The following LRPPRC variants were observed in gnomAD, a reference collection of about 807,000 sequenced individuals.
The protein encoded by LRPPRC is leucine rich pentatricopeptide repeat containing, also known as leucine-rich PPR motif-containing protein, mitochondrial.
Under a neutral mutation model 180.3 loss-of-function variants are expected in LRPPRC, and 120 were observed. The observed-to-expected ratio is 0.67, with a 90% CI of 0.57 to 0.77. The LOEUF (loss-of-function observed/expected upper bound fraction) is 0.77. Ranked by LOEUF, LRPPRC falls within the 30% of genes least tolerant of loss-of-function variation. The pLI, the probability that LRPPRC is intolerant of heterozygous loss-of-function variation, is 0.00. For missense variants in LRPPRC, 2,012 were observed against 1,657.2 expected, an observed-to-expected ratio of 1.21 and a Z score of -3.72; for synonymous variants, 723 against 600.0, an observed-to-expected ratio of 1.21 and a Z score of -3.00.
At chr2:43,913,298 A>C (rs1025166745) in intron 29 of LRPPRC, among the ~76,000 whole-genome samples, 1 of 152,192 alleles carries the variant, frequency 6.6e-6, no homozygotes, top group African/African-American at 2.4e-5. Context: ...GCCTGGCTAT[A>C]AACAGCCAAC....
chr2:43,968,992 T>C (rs185598936), intron 11 of LRPPRC, among the ~76,000 whole-genome samples: 6 of 152,348 alleles, frequency 3.9e-5, no homozygotes, highest in East Asian at 1.9e-4. Context: ...ATAAAATCAT[T>C]ATATTGTACA....
At chr2:43,949,087 G>T (rs1402193277) in intron 16 of LRPPRC, among the ~76,000 whole-genome samples, 1 of 152,066 alleles carries the variant, frequency 6.6e-6, no homozygotes, top group Non-Finnish European at 1.5e-5. Flanking sequence ...AATGTATAGG[G>T]CCATGTTACA....
chr2:43,977,465 T>C (rs1474059665), intron 3 of LRPPRC, among the ~76,000 whole-genome samples, 189 bp from the exon 4 acceptor site: 1 of 152,152 alleles, frequency 6.6e-6, no homozygotes, highest in Non-Finnish European at 1.5e-5. Context: ...AAGACAGTAA[T>C]TACTGAGTTA....
chr2:43,890,327 A>C (rs1294987291), intron 36 of LRPPRC: 2 of 469,782 alleles, frequency 4.3e-6, no homozygotes, highest in Admixed American at 4.8e-5. Flanking sequence ...CAACATCAAG[A>C]TCATCAGCTC....
At chr2:43,979,598 TC>T (rs1299286289) in intron 3 of LRPPRC, among the ~76,000 whole-genome samples, 1 of 152,232 alleles carries the variant, frequency 6.6e-6, no homozygotes. Flanking sequence ...TTCTTCTTTT[TC>T]TTTTTTAACT....
intron 13 of LRPPRC, among the ~76,000 whole-genome samples, chr2:43,959,806 C>G (rs1673264566): frequency 6.6e-6 from 1 of 152,168 alleles, no homozygotes. Context: ...ATCGCTTCAA[C>G]TCAGGAGGCA....
At chr2:43,940,775 C>A (rs1672450166) in intron 23 of LRPPRC, among the ~76,000 whole-genome samples, 1 of 152,104 alleles carries the variant, frequency 6.6e-6, no homozygotes, top group African/African-American at 2.4e-5. Flanking sequence ...TTTCCTTGAC[C>A]ATAACATGAA....
intron 37 of LRPPRC, among the ~76,000 whole-genome samples, chr2:43,889,314 C>CAAAAAAAAAA (rs780032604): frequency 1.0e-4 from 4 of 38,338 alleles, no homozygotes; most frequent in African/African-American, 1.4e-4. Flanking sequence ...GACTCCATCT[C>CAAAAAAAAAA]AAAAAAAAAA....
chr2:43,962,353 T>C (rs566056819), intron 12 of LRPPRC, among the ~76,000 whole-genome samples: 2 of 152,204 alleles, frequency 1.3e-5, no homozygotes, highest in African/African-American at 4.8e-5. Context: ...ACACTGAAGA[T>C]ATAAACCCTA....
rs62138282 is a variant in LRPPRC, at chr2:43,926,191, G to C, written c.2737-230C>G. ...CAAAGACCTTTAAGTAAGAGTAGAA[G>C]AGAGCATAAAACACAAACTATGCTT... On this transcript the variant is annotated intron_variant, in intron 25 of 37. Transcript: ENST00000260665. Among the ~76,000 whole-genome samples the C allele has an allele frequency of 0.092, 14,002 of 152,090 alleles. 738 individuals carry two copies. Among genetic ancestry groups the C allele is most frequent in the South Asian group, 0.13 (626 of 4,820 alleles).
chr2:43,979,232 A>G (rs1482692999), intron 3 of LRPPRC, among the ~76,000 whole-genome samples: 1 of 152,156 alleles, frequency 6.6e-6, no homozygotes, highest in Non-Finnish European at 1.5e-5. Flanking sequence ...TTAATATTGT[A>G]TACACATGCA....
chr2:43,950,475 C>G, intron 15 of LRPPRC, 98 bp downstream of exon 15: 1 of 1,127,058 alleles, frequency 8.9e-7, no homozygotes, highest in Non-Finnish European at 1.3e-6. Flanking sequence ...TAGTAGAAAA[C>G]CAAATATAGG....
At chr2:43,912,978 A>C (rs1671318352) in intron 29 of LRPPRC, among the ~76,000 whole-genome samples, 1 of 152,190 alleles carries the variant, frequency 6.6e-6, no homozygotes, top group Non-Finnish European at 1.5e-5. Context: ...CAAAAGATTC[A>C]TTTTAAAGCA....
At chr2:43,977,094 T>C in intron 4 of LRPPRC, 42 bp from the exon 5 acceptor site, 1 of 1,609,742 alleles carries the variant, frequency 6.2e-7, no homozygotes, top group African/African-American at 1.3e-5. Context: ...TATACTTTTT[T>C]TTCTGAGTAA....
At chr2:43,960,756 A>C (rs1041924526) in intron 12 of LRPPRC, 122 bp from the exon 13 acceptor site, 2 of 707,784 alleles carry the variant, frequency 2.8e-6, no homozygotes, top group Admixed American at 2.1e-5. Context: ...AAAAATAGAT[A>C]AGCTCAGTAA....
intron 1 of LRPPRC, among the ~76,000 whole-genome samples, chr2:43,990,745 T>C (rs145189208): frequency 1.6e-3 from 244 of 152,254 alleles, no homozygotes; most frequent in African/African-American, 5.8e-3. Flanking sequence ...CTAATAGTTG[T>C]ACATGTGCCT....
In LRPPRC at chr2:43,899,494, C is replaced by A. The variant is rs567163465; in HGVS notation, c.3681G>T (p.Glu1227Asp). Residue 1227 changes from glutamate to aspartate, a missense_variant, in exon 33 of 38, where the codon GAG becomes GAT. By Grantham distance (45) the Glu-to-Asp change is conservative. Coordinates refer to ENST00000260665, the MANE Select transcript of LRPPRC (RefSeq NM_133259.4). ...TTTCAACTGCTGGTTCCAACTGCTC[C>A]TCTATTACTTTTCTGAATAAGTATG... ...GLAYLFRKVIEEQLEPAVEKI... is the reference protein window; with the variant it reads ...GLAYLFRKVIDEQLEPAVEKI... 6.2e-7 allele frequency: 1 copy of A among 1,614,076 alleles called. No homozygotes were observed. The highest frequency in any genetic ancestry group is 1.1e-5 in the South Asian group (1 of 91,070).
intron 27 of LRPPRC, among the ~76,000 whole-genome samples, chr2:43,924,017 G>C: frequency 6.6e-6 from 1 of 152,116 alleles, no homozygotes; most frequent in Non-Finnish European, 1.5e-5. Flanking sequence ...GAATTACACT[G>C]TGAAGTATGT....
chr2:43,902,594 A>T (rs1435824235), intron 31 of LRPPRC: 1 of 152,234 alleles, frequency 6.6e-6, no homozygotes, highest in Non-Finnish European at 1.5e-5. Flanking sequence ...TGAAATCTAC[A>T]ATCTTAAACC....
Sources: allele counts gnomAD v4.1 joint callset (sites outside exome capture counted in the v4.1 genomes callset), GRCh38; gene constraint gnomAD v4.1.1; transcripts MANE v1.5; gene names NCBI Gene and HGNC (gene_info 2026-07-23, HGNC 2026-07-21).